The following RSRP1 variants were observed in gnomAD, a reference collection of about 807,000 sequenced individuals.
RSRP1 encodes arginine and serine rich protein 1.
RSRP1 carries 37 observed loss-of-function variants against 33.0 expected under a neutral mutation model. The observed-to-expected ratio is 1.12, with a 90% CI of 0.86 to 1.48. RSRP1 has a LOEUF of 1.48. Among genes scored for constraint, RSRP1 ranks in the 40% most tolerant of loss-of-function variants. RSRP1 has a pLI of 0.00. For missense variants in RSRP1, 402 were observed against 385.3 expected, an observed-to-expected ratio of 1.04 and a Z score of -0.36; for synonymous variants, 167 against 158.7, an observed-to-expected ratio of 1.05 and a Z score of -0.40.
chr1:25,261,826 C>T (rs1355954549), intron 1 of RSRP1, among the ~76,000 whole-genome samples: 1 of 151,140 alleles, frequency 6.6e-6, no homozygotes, highest in Non-Finnish European at 1.5e-5. Flanking sequence ...ATTCTCCCAC[C>T]TCTGCCTCCC....
Position 25,300,104 on chromosome 1 carries a change from A to G in RSRP1, c.-67+37874T>C, listed in dbSNP as rs1411863435. On this transcript the variant is annotated intron_variant, in intron 1 of 1. Transcript: ENST00000561867. The stretch of plus-strand genomic sequence containing the variant: ...AAGAAGTCTGGTTGCTTCATGTTGC[A>G]AAATTTATATCACTCATCACTCCCG... Among the ~76,000 whole-genome samples, 31 of 131,306 alleles carry G rather than the reference A, an allele frequency of 2.4e-4. 6 individuals are homozygous for G. The highest frequency in any genetic ancestry group is 7.9e-4 in the African/African-American group (30 of 38,116). The allele number at this position is 131,306 out of a possible 152,430, so 86.1% of individuals were successfully genotyped here. A position where few individuals can be genotyped will look rare whatever the true frequency, so the allele number is the denominator to read the frequency against.
At chr1:25,318,423 A>G (rs796136321) in intron 1 of RSRP1, among the ~76,000 whole-genome samples, 5 of 131,282 alleles carry the variant, frequency 3.8e-5, no homozygotes, top group African/African-American at 7.8e-5. Flanking sequence ...CCCTGTCTCT[A>G]CCAGAAATAC....
At chr1:25,244,238 C>A in intron 3 of RSRP1, 2 of 1,289,012 alleles carry the variant, frequency 1.6e-6, no homozygotes, top group Non-Finnish European at 2.0e-6. Context: ...GAATATATTG[C>A]ATATATTATG....
intron 1 of RSRP1, 43 bp from the exon 2 acceptor site, chr1:25,247,072 C>T: frequency 1.7e-6 from 2 of 1,196,734 alleles, no homozygotes; most frequent in South Asian, 2.0e-5. Flanking sequence ...TCGCGGAAGC[C>T]GGCGCCTGGC....
chr1:25,263,580 C>G lies in RSRP1; in HGVS notation c.-66-16551G>C, dbSNP rs188540503. 7.6e-4 allele frequency among the ~76,000 whole-genome samples: 116 copies of G among 151,986 alleles called. 1 individual carries two copies. In the East Asian group the frequency reaches 0.021, roughly 28 times the overall value. ...AGACCTGTCCCCATGATTCAGTTACCTCCCACTGGGTCCCTCCCACAACGC... is the reference window on the plus strand; with the variant it reads ...AGACCTGTCCCCATGATTCAGTTACGTCCCACTGGGTCCCTCCCACAACGC... On this transcript the variant is annotated intron_variant, in intron 1 of 1. Coordinates refer to the RSRP1 transcript ENST00000561867.
intron 2 of RSRP1, among the ~76,000 whole-genome samples, 152 bp downstream of exon 2, chr1:25,246,291 TA>T (rs1445149474): frequency 2.6e-5 from 4 of 152,178 alleles, no homozygotes; most frequent in African/African-American, 4.8e-5. Flanking sequence ...GCTGTCCACT[TA>T]AATACAGGTA....
intron 1 of RSRP1, among the ~76,000 whole-genome samples, chr1:25,262,688 C>G (rs1417724745): frequency 1.3e-5 from 2 of 152,138 alleles, no homozygotes; most frequent in African/African-American, 4.8e-5. Flanking sequence ...CTTAGAACCC[C>G]AGCGGTGACG....
intron 4 of RSRP1, among the ~76,000 whole-genome samples, chr1:25,243,079 GC>G (rs1557479872): frequency 6.6e-6 from 1 of 151,856 alleles, no homozygotes; most frequent in African/African-American, 2.4e-5. Flanking sequence ...GGGCAACAGA[GC>G]AAGACTCTGT....
At chr1:25,280,244 G>A (rs1344176866) in intron 1 of RSRP1, among the ~76,000 whole-genome samples, 1 of 128,114 alleles carries the variant, frequency 7.8e-6, no homozygotes, top group Admixed American at 7.6e-5. Context: ...TCAGGGAATC[G>A]GGATCAGGGG....
At chr1:25,247,133 G>T in intron 1 of RSRP1, 104 bp from the exon 2 acceptor site, 1 of 714,548 alleles carries the variant, frequency 1.4e-6, no homozygotes, top group South Asian at 2.9e-5. Flanking sequence ...CCACGGCGCG[G>T]GCGGCGACCG....
At chr1:25,319,984 A>C (rs1173536328) in intron 1 of RSRP1, among the ~76,000 whole-genome samples, 6 of 130,566 alleles carry the variant, frequency 4.6e-5, no homozygotes, top group South Asian at 2.3e-4. Context: ...CTACAACCTC[A>C]GCCTCCTGGG....
At chr1:25,320,537 C>T (rs181073385) in intron 1 of RSRP1, among the ~76,000 whole-genome samples, 1 of 131,650 alleles carries the variant, frequency 7.6e-6, no homozygotes, top group Non-Finnish European at 1.8e-5. Context: ...AGCAGCACCA[C>T]GAAAGGGAAA....
intron 1 of RSRP1, among the ~76,000 whole-genome samples, chr1:25,308,083 C>T (rs1643947126): frequency 8.0e-6 from 1 of 124,760 alleles, no homozygotes; most frequent in African/African-American, 2.8e-5. Flanking sequence ...AGCTTGCACC[C>T]ATCATCACAG....
intron 1 of RSRP1, among the ~76,000 whole-genome samples, chr1:25,261,861 G>T (rs1363009946): frequency 6.6e-6 from 1 of 151,064 alleles, no homozygotes; most frequent in Non-Finnish European, 1.5e-5. Context: ...ACAGGCACAC[G>T]CCACCACACC....
rs750823240 is a variant in RSRP1, at chr1:25,273,302, A to ATTTTTTT, written c.-66-26280_-66-26274dup. 5.4e-3 allele frequency among the ~76,000 whole-genome samples: 531 copies of ATTTTTTT among 97,734 alleles called. 19 individuals are homozygous for ATTTTTTT. Among genetic ancestry groups the ATTTTTTT allele is most frequent in the African/African-American group, 0.019 (510 of 27,020 alleles). The allele number at this position is 97,734 out of a possible 152,430, so 64.1% of individuals were successfully genotyped here. ...AGGAGGGCACCACCATGCCTGGCTA[A>ATTTTTTT]TTTTTTTTTTTTTTTTTTTTGGTAG... On this transcript the variant is annotated intron_variant, in intron 1 of 1. Coordinates refer to the RSRP1 transcript ENST00000561867.
rs1375773725 is a variant in RSRP1 at position 25,329,959 on chromosome 1, C to A, written c.-67+8019G>T. On this transcript the variant is annotated intron_variant, in intron 1 of 1. Transcript: ENST00000561867. ...TGTGAGCCACCGTGCCCAGCCTATA[C>A]TTCCCTTTTTGAATACCATTTGGTG... 6 of 132,236 alleles carry A rather than the reference C, an allele frequency of 4.5e-5. 2 individuals are homozygous for A. Among genetic ancestry groups the A allele is most frequent in the Admixed American group, 4.4e-4 (6 of 13,582 alleles). The allele number at this position is 132,236 out of a possible 1,614,324, so 8.2% of individuals were successfully genotyped here.
At chr1:25,285,419 C>T (rs1641892927) in intron 1 of RSRP1, among the ~76,000 whole-genome samples, 1 of 134,950 alleles carries the variant, frequency 7.4e-6, no homozygotes, top group South Asian at 2.2e-4. Context: ...CAGACATGAG[C>T]CACCGCGTCC....
chr1:25,299,744 T>C (rs1231958433), intron 1 of RSRP1, among the ~76,000 whole-genome samples: 1 of 132,588 alleles, frequency 7.5e-6, no homozygotes, highest in East Asian at 2.0e-4. Flanking sequence ...ATGATCTGAC[T>C]TGCATTTTAT....
rs779042400 is a variant in RSRP1 at position 25,246,587 on chromosome 1, T to G, written c.377A>C (p.Tyr126Ser). 4 of 1,614,168 alleles carry G rather than the reference T, an allele frequency of 2.5e-6. No homozygotes were observed. The Admixed American group carries it at 6.7e-5, about 27-fold the overall frequency. ...CGCGATCGCGTACGCCCTTCCGCAG[T>G]ACGACCTTCCCCGAGAGCGCGACCT... ...RSRSRSRGRSYCGRAYAIARG... is the reference protein window; with the variant it reads ...RSRSRSRGRSSCGRAYAIARG... Residue 126 changes from tyrosine to serine, a missense_variant, in exon 2 of 5, where the codon TAC (tyrosine) becomes TCC (serine). By Grantham distance (144) the Tyr-to-Ser change is moderately radical. Coordinates refer to ENST00000243189, the MANE Select transcript of RSRP1 (RefSeq NM_020317.5).
Sources: gnomAD v4.1 joint callset for allele counts (sites outside exome capture counted in the v4.1 genomes callset) on GRCh38, gnomAD v4.1.1 for gene constraint, MANE v1.5 for transcripts, NCBI Gene and HGNC (gene_info 2026-07-23, HGNC 2026-07-21) for gene names.